ATP8A2: variants seen among roughly 807,000 people sequenced by gnomAD.
The protein encoded by ATP8A2 is phospholipid-transporting ATPase IB.
In ATP8A2, 100 loss-of-function variants were observed where a neutral mutation model predicts 165.6. That is an observed-to-expected ratio of 0.60 (90% CI 0.51 to 0.71). The LOEUF (loss-of-function observed/expected upper bound fraction) is 0.71. Among genes scored for constraint, ATP8A2 ranks in the 30% least tolerant of loss-of-function variants. ATP8A2 has a pLI of 0.00. For synonymous variants in ATP8A2, 543 were observed against 548.8 expected (o/e 0.99, Z 0.15); for missense variants, 1,227 against 1,479.5 (o/e 0.83, Z 2.80).
intron 2 of ATP8A2, among the ~76,000 whole-genome samples, chr13:25,500,934 A>G (rs2036835605): frequency 6.6e-6 from 1 of 152,162 alleles, no homozygotes; most frequent in African/African-American, 2.4e-5. Context: ...AGGCATGTAA[A>G]TATATTACCT....
chr13:25,555,144 G>C, intron 13 of ATP8A2, 76 bp downstream of exon 13: 1 of 1,134,082 alleles, frequency 8.8e-7, no homozygotes, highest in South Asian at 1.3e-5. Flanking sequence ...AAGAACCATG[G>C]AAAGATTTTG....
intron 27 of ATP8A2, among the ~76,000 whole-genome samples, chr13:25,792,975 G>T (rs2045219059): frequency 6.7e-6 from 1 of 150,176 alleles, no homozygotes; most frequent in African/African-American, 2.5e-5. Context: ...GGAGAGGGGA[G>T]GAGAGGAGAG....
intron 1 of ATP8A2, among the ~76,000 whole-genome samples, chr13:25,452,248 T>C (rs2035248692): frequency 1.3e-5 from 2 of 152,126 alleles, no homozygotes; most frequent in South Asian, 2.1e-4. Flanking sequence ...ACGCAGGGAA[T>C]GGAAAAACGG....
intron 33 of ATP8A2, among the ~76,000 whole-genome samples, chr13:25,888,925 G>GT (rs1009388456): frequency 4.0e-5 from 6 of 151,888 alleles, no homozygotes; most frequent in South Asian, 2.1e-4. Flanking sequence ...GAAATCACTA[G>GT]TTTTTTTTCT....
intron 24 of ATP8A2, among the ~76,000 whole-genome samples, chr13:25,664,267 C>T (rs1169281676): frequency 6.6e-6 from 1 of 152,160 alleles, no homozygotes; most frequent in African/African-American, 2.4e-5. Flanking sequence ...CAAGAAAGAT[C>T]TTTACTTACA....
intron 24 of ATP8A2, among the ~76,000 whole-genome samples, chr13:25,599,702 C>A (rs1446696790): frequency 6.6e-6 from 1 of 152,128 alleles, no homozygotes; most frequent in African/African-American, 2.4e-5. Flanking sequence ...GAAAAGAAGA[C>A]CAGAATAGTG....
intron 6 of ATP8A2, among the ~76,000 whole-genome samples, chr13:25,536,079 A>G (rs1382503421): frequency 1.3e-5 from 2 of 152,064 alleles, no homozygotes; most frequent in African/African-American, 4.8e-5. Context: ...TGATTTTTAT[A>G]TGTAATTAAA....
intron 33 of ATP8A2, chr13:25,863,406 A>G (rs1053301908): frequency 2.6e-5 from 4 of 152,166 alleles, no homozygotes; most frequent in Non-Finnish European, 5.9e-5. Flanking sequence ...ACACTGGGCC[A>G]AAGGGGCAGC....
chr13:25,608,190 G>A (rs1443001342), intron 24 of ATP8A2, among the ~76,000 whole-genome samples: 1 of 152,208 alleles, frequency 6.6e-6, no homozygotes, highest in Non-Finnish European at 1.5e-5. Flanking sequence ...CTTTTGTGCT[G>A]TGTAAAAACC....
chr13:25,981,161 T>G (rs1956164427), intron 35 of ATP8A2, among the ~76,000 whole-genome samples: 1 of 152,188 alleles, frequency 6.6e-6, no homozygotes, highest in Non-Finnish European at 1.5e-5. Flanking sequence ...GTTGCCAAGT[T>G]TGTGTTTTCA....
intron 27 of ATP8A2, among the ~76,000 whole-genome samples, chr13:25,826,874 G>A (rs998758022): frequency 7.5e-5 from 11 of 146,860 alleles, no homozygotes; most frequent in Admixed American, 2.0e-4. Flanking sequence ...TGCTGCCTCC[G>A]TGTATTCAGA....
chr13:25,832,895 C>T (rs1951514334), intron 28 of ATP8A2, among the ~76,000 whole-genome samples: 1 of 152,094 alleles, frequency 6.6e-6, no homozygotes. Context: ...TACGTATACA[C>T]ATATGCTCAC....
Position 25,821,648 on chromosome 13 carries a change from C to T in ATP8A2, c.2680-6470C>T, listed in dbSNP as rs551438015. Among the ~76,000 whole-genome samples, 14 of 152,206 alleles carry T rather than the reference C, an allele frequency of 9.2e-5. No homozygotes were observed. In the East Asian group the frequency reaches 2.3e-3, roughly 25 times the overall value. On this transcript the variant is annotated intron_variant, in intron 27 of 36. Transcript: ENST00000381655. The stretch of plus-strand genomic sequence containing the variant: ...GAAACAAGATTTCTAAGTTTTGTAT[C>T]GGGTTGACCAAATAAACTTATTTCT...
chr13:25,889,798 T>C (rs569368055), intron 33 of ATP8A2, among the ~76,000 whole-genome samples: 1 of 152,344 alleles, frequency 6.6e-6, no homozygotes, highest in Non-Finnish European at 1.5e-5. Context: ...GCCCATTCCT[T>C]AAATGTAATT....
intron 2 of ATP8A2, among the ~76,000 whole-genome samples, chr13:25,489,189 C>G (rs573254114): frequency 2.0e-5 from 3 of 152,228 alleles, no homozygotes; most frequent in Non-Finnish European, 4.4e-5. Context: ...ACCATCGCTG[C>G]TTCTCTTTTG....
chr13:25,649,145 A>G (rs1299907029), intron 24 of ATP8A2: 1 of 441,048 alleles, frequency 2.3e-6, no homozygotes, highest in Non-Finnish European at 4.5e-6. Flanking sequence ...TTTCACAGGC[A>G]TTCTTTGGAA....
intron 33 of ATP8A2, among the ~76,000 whole-genome samples, chr13:25,947,046 C>T (rs914920121): frequency 3.3e-5 from 5 of 152,188 alleles, no homozygotes; most frequent in Non-Finnish European, 7.3e-5. Flanking sequence ...CCGCCCCCGG[C>T]CATGTTATTG....
rs929156369 is a variant in ATP8A2 at position 25,539,359 on chromosome 13, C to T, written c.582-960C>T. 3.9e-5 allele frequency among the ~76,000 whole-genome samples: 6 copies of T among 151,976 alleles called. No homozygotes were observed. The East Asian group carries it at 7.7e-4, about 20-fold the overall frequency. On this transcript the variant is annotated intron_variant, in intron 7 of 36. Coordinates refer to ENST00000381655, the MANE Select transcript of ATP8A2 (RefSeq NM_016529.6). ...AACTCCTGGCCTCAAGCAATCCTCC[C>T]GCCTTGGCATCTCAAAGTGCTGGGG...
chr13:25,953,695 A>T lies in ATP8A2; in HGVS notation c.3184-7880A>T, dbSNP rs1275693711. 2.0e-5 allele frequency among the ~76,000 whole-genome samples: 3 copies of T among 152,028 alleles called. No individual in the cohort carries two copies. Among genetic ancestry groups the T allele is most frequent in the Non-Finnish European group, 2.9e-5 (2 of 67,992 alleles). On this transcript the variant is annotated intron_variant, in intron 33 of 36. Coordinates refer to ENST00000381655, the MANE Select transcript of ATP8A2 (RefSeq NM_016529.6). The surrounding 1 kb of genome is among the most constrained non-coding windows in gnomAD (Gnocchi z 6.7). ...ACTGGTTAGATAGTGGGTGCAGCCC[A>T]CGGAGGGCAAGCCGAAGCAGGGTGG...
Sources: allele counts gnomAD v4.1 joint callset (sites outside exome capture counted in the v4.1 genomes callset), GRCh38; gene constraint gnomAD v4.1.1; non-coding constraint Gnocchi (gnomAD v3.1); transcripts MANE v1.5; gene names NCBI Gene and HGNC (gene_info 2026-07-23, HGNC 2026-07-21).